Variants in ASTN1 observed in about 807,000 individuals in gnomAD.
ASTN1 encodes astrotactin-1.
ASTN1 carries 41 observed loss-of-function variants against 140.7 expected under a neutral mutation model. The ratio of observed to expected loss-of-function variants is 0.29; its 90% CI spans 0.23 to 0.38. The LOEUF (loss-of-function observed/expected upper bound fraction) is 0.38. Ranked by LOEUF, ASTN1 falls within the 10% of genes least tolerant of loss-of-function variation. The pLI is 1.00. For synonymous variants in ASTN1, 640 were observed against 652.2 expected (o/e 0.98, Z 0.29); for missense variants, 1,479 against 1,678.8 (o/e 0.88, Z 2.08).
chr1:177,089,208 T>C (rs1679624420), intron 1 of ASTN1, among the ~76,000 whole-genome samples: 1 of 152,156 alleles, frequency 6.6e-6, no homozygotes, highest in Non-Finnish European at 1.5e-5. Context: ...GGCTGAGCTC[T>C]GTGATGTATC....
intron 1 of ASTN1, among the ~76,000 whole-genome samples, chr1:177,109,520 T>C (rs1680712953): frequency 6.6e-6 from 1 of 152,130 alleles, no homozygotes; most frequent in Non-Finnish European, 1.5e-5. Flanking sequence ...GATATAGGGA[T>C]GTTCTAGGAT....
At chr1:177,091,548 G>A (rs138632051) in intron 1 of ASTN1, among the ~76,000 whole-genome samples, 23 of 152,152 alleles carry the variant, frequency 1.5e-4, no homozygotes, top group African/African-American at 5.5e-4. Context: ...CTTTTTAATT[G>A]AGATATAATT....
chr1:176,938,441 A>G (rs1479299140), intron 14 of ASTN1, among the ~76,000 whole-genome samples: 1 of 152,234 alleles, frequency 6.6e-6, no homozygotes, highest in African/African-American at 2.4e-5. Context: ...CCTTTAATTG[A>G]ATGATTTCCT....
In ASTN1 at chr1:176,876,598, G is replaced by A; in HGVS notation, c.3402C>T (p.Ser1134=). The A allele has an allele frequency of 6.2e-7, 1 of 1,614,168 alleles. No homozygotes were observed. The highest frequency in any genetic ancestry group is 8.5e-7 in the Non-Finnish European group (1 of 1,180,026). Residue 1134 remains serine, a synonymous_variant, in exon 21 of 23, where the codon TCC becomes TCT. Coordinates refer to ENST00000361833, the MANE Select transcript of ASTN1 (RefSeq NM_004319.3). The part of the protein sequence containing the change: ...LWGVDNTGRR[S]RPSDVIVKTP... The stretch of plus-strand genomic sequence containing the variant: ...TCTTCACGATCACGTCGCTTGGCCT[G>A]GAGCGCCGTCCTGTGTTGTCCACTC...
intron 16 of ASTN1, among the ~76,000 whole-genome samples, chr1:176,895,535 T>C (rs1169999565): frequency 6.6e-6 from 1 of 152,362 alleles, no homozygotes; most frequent in Admixed American, 6.5e-5. Flanking sequence ...AATAGAACTC[T>C]GCTTCATTAT....
intron 8 of ASTN1, among the ~76,000 whole-genome samples, chr1:176,980,580 C>T (rs1673567882): frequency 6.6e-6 from 1 of 151,922 alleles, no homozygotes; most frequent in Admixed American, 6.6e-5. Flanking sequence ...ACAGGGATTT[C>T]GAGGTGAGAT....
At chr1:177,068,160 T>C (rs1678458145) in intron 1 of ASTN1, among the ~76,000 whole-genome samples, 1 of 152,190 alleles carries the variant, frequency 6.6e-6, no homozygotes, top group African/African-American at 2.4e-5. Flanking sequence ...CAGAGAACAA[T>C]TGGGAAAGGA....
rs773314594 is a variant in ASTN1, at chr1:176,949,333, G to T, written c.1906C>A (p.Pro636Thr). 8 of 1,613,876 alleles carry T rather than the reference G, an allele frequency of 5.0e-6. No homozygotes were observed. The highest frequency in any genetic ancestry group is 3.3e-5 in the Admixed American group (2 of 59,994). The change falls in exon 12 of 23, where the codon CCC (proline) becomes ACC (threonine). Residue 636 changes from proline (P) to threonine (T), a missense_variant. Coordinates refer to ENST00000361833, the MANE Select transcript of ASTN1 (RefSeq NM_004319.3). ...TAGCAGCCAGAGCTGTCCTTCATGGGACTGAGTCCAGATGGGCACTGGCAC... is the reference window on the plus strand; with the variant it reads ...TAGCAGCCAGAGCTGTCCTTCATGGTACTGAGTCCAGATGGGCACTGGCAC... Reference protein sequence around the residue: ...TGCVCPSGLSPMKDSSGCYDR... With the variant: ...TGCVCPSGLSTMKDSSGCYDR...
chr1:176,883,231 C>CTT (rs55903122), intron 19 of ASTN1, among the ~76,000 whole-genome samples: 51 of 130,492 alleles, frequency 3.9e-4, no homozygotes, highest in African/African-American at 7.5e-4. Context: ...CTGAGAGCTT[C>CTT]TTTTTTTTTT....
chr1:176,879,357 G>A (rs570671518), intron 20 of ASTN1, among the ~76,000 whole-genome samples: 21 of 152,282 alleles, frequency 1.4e-4, no homozygotes, highest in African/African-American at 4.3e-4. Context: ...CTGCAGTCTG[G>A]CTATGTGCAG....
In ASTN1 at chr1:176,862,489, G is replaced by A. The variant is rs1291154954; in HGVS notation, c.*1795C>T. On this transcript the variant is annotated 3_prime_UTR_variant, in exon 23 of 23. Coordinates refer to ENST00000361833, the MANE Select transcript of ASTN1 (RefSeq NM_004319.3). ...TCCATGCCACAGATGCTTGGGAAAG[G>A]TAAAGCTCTCTGGGCAGGTTCCCTG... The A allele has an allele frequency of 1.0e-6, 1 of 985,336 alleles. No homozygotes were observed. The highest frequency in any genetic ancestry group is 1.7e-5 in the African/African-American group (1 of 57,226). The allele number at this position is 985,336 out of a possible 1,614,324, so 61.0% of individuals were successfully genotyped here.
chr1:176,974,317 A>T (rs1254151924), intron 8 of ASTN1, among the ~76,000 whole-genome samples: 1 of 152,186 alleles, frequency 6.6e-6, no homozygotes, highest in African/African-American at 2.4e-5. Context: ...GGATGCAGTC[A>T]ATTTTTAATA....
chr1:176,936,119 G>A (rs751495101), intron 15 of ASTN1, 147 bp downstream of exon 15: 6 of 738,638 alleles, frequency 8.1e-6, no homozygotes, highest in Non-Finnish European at 1.4e-5. Context: ...TGCTCTTCTG[G>A]ATAAATCTGA....
chr1:177,110,614 C>T lies in ASTN1; in HGVS notation c.284-49349G>A, dbSNP rs574812904. Among the ~76,000 whole-genome samples the T allele has an allele frequency of 2.0e-4, 30 of 152,242 alleles. No individual in the cohort carries two copies. In the South Asian group the frequency reaches 2.5e-3, roughly 13 times the overall value. ...CCTACTATGTGCAAGGTACATGGGC[C>T]GTTTCAGCTGAATGTAACTTTTCAC... On this transcript the variant is annotated intron_variant, in intron 1 of 22. Coordinates refer to ENST00000361833, the MANE Select transcript of ASTN1 (RefSeq NM_004319.3).
chr1:177,145,809 T>C (rs980453905), intron 1 of ASTN1, among the ~76,000 whole-genome samples: 4 of 152,212 alleles, frequency 2.6e-5, no homozygotes, highest in Non-Finnish European at 5.9e-5. Context: ...AACCAAGTGC[T>C]GCTACATTCA....
intron 16 of ASTN1, among the ~76,000 whole-genome samples, chr1:176,923,967 C>A (rs1285567898): frequency 6.6e-6 from 1 of 152,084 alleles, no homozygotes; most frequent in African/African-American, 2.4e-5. Flanking sequence ...GGACTGGAGC[C>A]TATAACTTAA....
intron 16 of ASTN1, among the ~76,000 whole-genome samples, chr1:176,898,356 A>G (rs1314069918): frequency 6.6e-6 from 1 of 152,224 alleles, no homozygotes; most frequent in Non-Finnish European, 1.5e-5. Context: ...GGCTGTCTGG[A>G]GAGGAGCTGG....
intron 16 of ASTN1, among the ~76,000 whole-genome samples, chr1:176,901,640 T>C (rs1669771101): frequency 6.6e-6 from 1 of 152,218 alleles, no homozygotes; most frequent in Non-Finnish European, 1.5e-5. Context: ...AGGATGGTCA[T>C]GTGATGGAGC....
At chr1:177,039,458 T>G (rs1676872001) in intron 2 of ASTN1, among the ~76,000 whole-genome samples, 2 of 152,172 alleles carry the variant, frequency 1.3e-5, no homozygotes, top group Non-Finnish European at 2.9e-5. Context: ...CAGAAAACTG[T>G]GCAAACCCAC....
Sources: allele counts gnomAD v4.1 joint callset (sites outside exome capture counted in the v4.1 genomes callset), GRCh38; gene constraint gnomAD v4.1.1; transcripts MANE v1.5; gene names NCBI Gene and HGNC (gene_info 2026-07-23, HGNC 2026-07-21).